ZNF665: variants seen among roughly 807,000 people sequenced by gnomAD.
ZNF665 encodes the protein zinc finger protein 665.
ZNF665 carries 6 observed loss-of-function variants against 7.9 expected under a neutral mutation model. That is an observed-to-expected ratio of 0.76 (90% CI 0.42 to 1.50). ZNF665 has a LOEUF of 1.50. ZNF665 is among the 40% of genes most tolerant of loss of function. The probability of loss-of-function intolerance (pLI) is 0.01; values close to 1 mark genes in which losing one functional copy is unlikely to be tolerated. For missense variants in ZNF665, 819 were observed against 806.7 expected, an observed-to-expected ratio of 1.02 and a Z score of -0.18; for synonymous variants, 242 against 274.5, an observed-to-expected ratio of 0.88 and a Z score of 1.17.
chr19:53,174,297 C>A (rs977648677), intron 3 of ZNF665, among the ~76,000 whole-genome samples: 3 of 152,042 alleles, frequency 2.0e-5, no homozygotes, highest in African/African-American at 7.2e-5. Context: ...AGATCATGAC[C>A]AAGACTTTGC....
At chr19:53,183,077 T>A in intron 1 of ZNF665, 134 bp from the exon 2 acceptor site, 2 of 971,700 alleles carry the variant, frequency 2.1e-6, no homozygotes, top group East Asian at 2.5e-5. Flanking sequence ...ACAGGGAAGA[T>A]GGTCCTCTGC....
chr19:53,168,541 T>C (rs1042698684), intron 3 of ZNF665, among the ~76,000 whole-genome samples: 2 of 152,228 alleles, frequency 1.3e-5, no homozygotes, highest in African/African-American at 2.4e-5. Flanking sequence ...ATTTAGCCTA[T>C]TGATTCAACA....
In ZNF665 at chr19:53,165,381, C is replaced by G; in HGVS notation, c.1109G>C (p.Gly370Ala). Residue 370 changes from glycine (G) to alanine (A), a missense_variant, in exon 4 of 4, where the codon GGT (glycine) becomes GCT (alanine). Gly to Ala is a moderately conservative substitution (Grantham distance 60). Transcript: ENST00000396424. Reference protein sequence around the residue: ...YLAKHRRIHTGEKPYKCNECG... With the variant: ...YLAKHRRIHTAEKPYKCNECG... ...CTCATTACACTTGTAAGGTTTCTCA[C>G]CAGTATGAATTCGCCGATGCTTTGC... 1 of 1,614,162 alleles carries G rather than the reference C, an allele frequency of 6.2e-7. No homozygotes were observed. Among genetic ancestry groups the G allele is most frequent in the African/African-American group, 1.3e-5 (1 of 75,058 alleles).
rs1198649382 is a variant in ZNF665, at chr19:53,164,674, C to G, written c.1816G>C (p.Val606Leu). The change falls in exon 4 of 4, where the codon GTC (valine) becomes CTC (leucine). Residue 606 changes from valine (V) to leucine (L), a missense_variant. By Grantham distance (32) the Val-to-Leu change is conservative. Coordinates refer to ENST00000396424, the MANE Select transcript of ZNF665 (RefSeq NM_024733.5). ...GCAAGATGTGAATTTTGAGTGAAGA[C>G]CTTGCCACATTCATTACATTTGTAA... ...KPYKCNECGKVFTQNSHLANH... is the reference protein window; with the variant it reads ...KPYKCNECGKLFTQNSHLANH... 1.2e-6 allele frequency: 2 copies of G among 1,612,644 alleles called. No homozygotes were observed. Among genetic ancestry groups the G allele is most frequent in the Admixed American group, 1.7e-5 (1 of 59,962 alleles).
At chr19:53,171,350 G>A (rs1377336513) in intron 3 of ZNF665, among the ~76,000 whole-genome samples, 3 of 151,550 alleles carry the variant, frequency 2.0e-5, no homozygotes, top group Middle Eastern at 3.2e-3. Flanking sequence ...GATGATTAGC[G>A]TTACAGAGTG....
At chr19:53,180,868 C>G (rs1429975958) in intron 2 of ZNF665, 1 of 152,096 alleles carries the variant, frequency 6.6e-6, no homozygotes, top group Non-Finnish European at 1.5e-5. Context: ...GATATTTAGG[C>G]ATTAACAAAA....
At chr19:53,183,591 C>T (rs1425852650) in intron 1 of ZNF665, among the ~76,000 whole-genome samples, 1 of 147,306 alleles carries the variant, frequency 6.8e-6, no homozygotes, top group African/African-American at 2.5e-5. Flanking sequence ...TGAAGCAGCA[C>T]AGAGAAACAC....
chr19:53,177,981 C>T (rs1316169602), intron 2 of ZNF665, among the ~76,000 whole-genome samples: 2 of 152,172 alleles, frequency 1.3e-5, no homozygotes, highest in African/African-American at 4.8e-5. Context: ...TAAACCTAAG[C>T]AATCAGTTAA....
chr19:53,181,448 G>A (rs1268996953), intron 2 of ZNF665: 2 of 151,768 alleles, frequency 1.3e-5, no homozygotes, highest in East Asian at 1.9e-4. Context: ...AGAAAATGGG[G>A]GCTCACCAAG....
chr19:53,166,667 A>C lies in ZNF665; in HGVS notation c.143-320T>G, dbSNP rs149685815. Among the ~76,000 whole-genome samples, 103 of 152,322 alleles carry C rather than the reference A, an allele frequency of 6.8e-4. 2 individuals carry two copies. The East Asian group carries it at 0.019, about 27-fold the overall frequency. On this transcript the variant is annotated intron_variant, in intron 3 of 3. Coordinates refer to ENST00000396424, the MANE Select transcript of ZNF665 (RefSeq NM_024733.5). The stretch of plus-strand genomic sequence containing the variant: ...AGGCTACCAATTGGCAGTATATTTT[A>C]TATGGCTGTCACAGAATTCAAGAGA...
At position 53,163,194 on chromosome 19, in the gene ZNF665, T is replaced by G. The variant is rs1163068152; in HGVS notation, c.*1259A>C. On this transcript the variant is annotated 3_prime_UTR_variant, in exon 4 of 4. Transcript: ENST00000396424. ...GATTACAGGCATGCGCCACCATGCC[T>G]GGCTAATTTTGTATTTTTAGTAGAG... 2 of 152,020 alleles carry G rather than the reference T, an allele frequency of 1.3e-5. No homozygotes were observed. Among genetic ancestry groups the G allele is most frequent in the Non-Finnish European group, 2.9e-5 (2 of 68,024 alleles). 9.4% of individuals were successfully genotyped at this position (152,020 alleles called of 1,614,324 possible). A position where few individuals can be genotyped will look rare whatever the true frequency, so the allele number is the denominator to read the frequency against.
rs1174040488 is a variant in ZNF665, at chr19:53,165,441, T to A, written c.1049A>T (p.Glu350Val). The change falls in exon 4 of 4, where the codon GAA (glutamate) becomes GTA (valine). Residue 350 changes from glutamate to valine, a missense_variant. By Grantham distance (121) the Glu-to-Val change is moderately radical. Coordinates refer to ENST00000396424, the MANE Select transcript of ZNF665 (RefSeq NM_024733.5). ...ATTGTGCCTGAAGACCTTGCCACAT[T>A]CATTACATTTGTAAGGTTTTTCTCC... ...HTGEKPYKCNECGKVFRHNSY... is the reference protein window; with the variant it reads ...HTGEKPYKCNVCGKVFRHNSY... 1.2e-6 allele frequency: 2 copies of A among 1,613,388 alleles called. No homozygotes were observed. Among genetic ancestry groups the A allele is most frequent in the Non-Finnish European group, 1.7e-6 (2 of 1,179,444 alleles).
intron 1 of ZNF665, among the ~76,000 whole-genome samples, chr19:53,189,222 C>G (rs2090795311): frequency 6.6e-6 from 1 of 151,842 alleles, no homozygotes; most frequent in Non-Finnish European, 1.5e-5. Context: ...AGGGACCAGC[C>G]CCACAGGGTC....
chr19:53,171,524 A>ATATATATATATATATTT (rs372855271), intron 3 of ZNF665, among the ~76,000 whole-genome samples: 46 of 69,312 alleles, frequency 6.6e-4, no homozygotes, highest in South Asian at 1.4e-3. Flanking sequence ...ATATATATAT[A>ATATATATATATATATTT]TTTTTTTTTT....
chr19:53,173,935 T>TCC (rs1167466745), intron 3 of ZNF665, among the ~76,000 whole-genome samples: 1 of 152,010 alleles, frequency 6.6e-6, no homozygotes, highest in African/African-American at 2.4e-5. Flanking sequence ...TCCAACCCAC[T>TCC]CCCCTTGTCA....
In ZNF665 at chr19:53,166,385, A is replaced by G. The variant is rs376454561; in HGVS notation, c.143-38T>C. On this transcript the variant is annotated intron_variant, in intron 3 of 3. Transcript: ENST00000396424. ...AACAACCATAGATTTCCAGTTAACT[A>G]TAGTAGGTAAATAACTATTTCCCAT... 2.0e-6 allele frequency: 3 copies of G among 1,488,408 alleles called. No homozygotes were observed. The African/African-American group carries it at 4.2e-5, about 21-fold the overall frequency. 92.2% of individuals were successfully genotyped at this position (1,488,408 alleles called of 1,614,324 possible). A position where few individuals can be genotyped will look rare whatever the true frequency, so the allele number is the denominator to read the frequency against.
intron 3 of ZNF665, among the ~76,000 whole-genome samples, chr19:53,171,520 A>ATTTTT (rs1233778767): frequency 1.1e-4 from 9 of 82,790 alleles, no homozygotes; most frequent in African/African-American, 4.0e-4. Context: ...ATATATATAT[A>ATTTTT]TATATTTTTT....
At chr19:53,179,355 GAC>G (rs1422349815) in intron 2 of ZNF665, among the ~76,000 whole-genome samples, 35 of 120,370 alleles carry the variant, frequency 2.9e-4, no homozygotes, top group South Asian at 2.2e-3. Context: ...CAGCCTGGGT[GAC>G]ACAGAGCGAG....
rs144917428 is a variant in ZNF665, at chr19:53,177,423, C to T, written c.16-1852G>A. On this transcript the variant is annotated intron_variant, in intron 2 of 3. Transcript: ENST00000396424. ...GACCAACCTGGCCAACACAGTGAAA[C>T]GCTGTCTCTACTAAAAATACAAAAA... Among the ~76,000 whole-genome samples, 608 of 151,926 alleles carry T rather than the reference C, an allele frequency of 4.0e-3. 1 individual carries two copies. The highest frequency in any genetic ancestry group is 5.8e-3 in the Non-Finnish European group (397 of 67,990).
Sources: gnomAD v4.1 joint callset for allele counts (sites outside exome capture counted in the v4.1 genomes callset) on GRCh38, gnomAD v4.1.1 for gene constraint, MANE v1.5 for transcripts, NCBI Gene and HGNC (gene_info 2026-07-23, HGNC 2026-07-21) for gene names.